CLEC4C: variants seen among roughly 807,000 people sequenced by gnomAD.
CLEC4C encodes the protein C-type lectin domain family 4 member C.
CLEC4C carries 17 observed loss-of-function variants against 27.7 expected under a neutral mutation model. The ratio of observed to expected loss-of-function variants is 0.61; its 90% CI spans 0.42 to 0.92. The LOEUF is 0.92. Among genes scored for constraint, CLEC4C ranks in the 40% least tolerant of loss-of-function variants. The probability of loss-of-function intolerance (pLI) is 0.00; values close to 1 mark genes in which losing one functional copy is unlikely to be tolerated. For synonymous variants in CLEC4C, 80 were observed against 80.8 expected, an observed-to-expected ratio of 0.99 and a Z score of 0.06; for missense variants, 244 against 257.3, an observed-to-expected ratio of 0.95 and a Z score of 0.35.
chr12:7,746,219 AAAAAAAAAAAAAAAG>A, intron 2 of CLEC4C, 97 bp downstream of exon 2: 2 of 644,768 alleles, frequency 3.1e-6, no homozygotes, highest in African/African-American at 1.9e-5. Context: ...GTCTCAAAAA[AAAAAAAAAAAAAAAG>A]AAAAAAAAAG....
intron 4 of CLEC4C, among the ~76,000 whole-genome samples, chr12:7,732,988 T>C (rs934010063): frequency 6.6e-6 from 1 of 151,920 alleles, no homozygotes; most frequent in African/African-American, 2.4e-5. Flanking sequence ...ATAATAGTAG[T>C]AGTTAAAATT....
At chr12:7,735,487 A>C (rs2120382693) in intron 4 of CLEC4C, among the ~76,000 whole-genome samples, 1 of 139,066 alleles carries the variant, frequency 7.2e-6, no homozygotes, top group East Asian at 2.3e-4. Flanking sequence ...TGGGCGATAG[A>C]ACAAGACTCT....
At chr12:7,733,053 C>T (rs73054686) in intron 4 of CLEC4C, among the ~76,000 whole-genome samples, 228 of 152,108 alleles carry the variant, frequency 1.5e-3, no homozygotes, top group Non-Finnish European at 2.9e-3. Flanking sequence ...TAAGTTACTT[C>T]ACGTAAATTT....
intron 3 of CLEC4C, among the ~76,000 whole-genome samples, chr12:7,739,393 G>A (rs561436242): frequency 5.9e-5 from 9 of 152,132 alleles, no homozygotes; most frequent in Non-Finnish European, 1.2e-4. Flanking sequence ...TTACAGGGGT[G>A]AGCCACCGCG....
chr12:7,745,401 T>G (rs1168560091), intron 2 of CLEC4C, among the ~76,000 whole-genome samples: 2 of 151,036 alleles, frequency 1.3e-5, no homozygotes, highest in Admixed American at 6.6e-5. Flanking sequence ...TAAATATCTG[T>G]TTTTTAACTC....
At chr12:7,748,912 T>A (rs762454907), upstream of CLEC4C, among the ~76,000 whole-genome samples, 1 of 152,216 alleles carries the variant, frequency 6.6e-6, no homozygotes, top group African/African-American at 2.4e-5. Flanking sequence ...CCCAGCAGAA[T>A]GCTTTGAGTA....
chr12:7,739,267 C>G (rs897326593), intron 3 of CLEC4C, among the ~76,000 whole-genome samples: 1 of 151,936 alleles, frequency 6.6e-6, no homozygotes, highest in Non-Finnish European at 1.5e-5. Flanking sequence ...TGCCCGCCAC[C>G]ACGCCCAGCT....
chr12:7,747,067 G>T (rs1864998740), intron 1 of CLEC4C, among the ~76,000 whole-genome samples: 2 of 152,254 alleles, frequency 1.3e-5, no homozygotes, highest in South Asian at 4.1e-4. Flanking sequence ...CAGGTGCTCT[G>T]CCCACCTCGG....
chr12:7,749,323 G>C (rs528385993), upstream of CLEC4C: 1 of 152,272 alleles, frequency 6.6e-6, no homozygotes, highest in Admixed American at 6.5e-5. Flanking sequence ...GGAGGCTGAG[G>C]TGGGCGGATT....
At chr12:7,731,485 C>T (rs1864594066) in intron 4 of CLEC4C, among the ~76,000 whole-genome samples, 1 of 152,200 alleles carries the variant, frequency 6.6e-6, no homozygotes, top group Non-Finnish European at 1.5e-5. Flanking sequence ...TTTCGTATTT[C>T]TTTCCTCTTT....
chr12:7,748,781 G>A (rs114891413), upstream of CLEC4C, among the ~76,000 whole-genome samples: 982 of 152,210 alleles, frequency 6.5e-3, 17 homozygotes, highest in African/African-American at 0.023. Context: ...GAGAAGAAAG[G>A]AGCAAAGGCA....
chr12:7,737,226 C>T (rs1174121587), intron 4 of CLEC4C, among the ~76,000 whole-genome samples: 1 of 151,008 alleles, frequency 6.6e-6, no homozygotes, highest in African/African-American at 2.4e-5. Flanking sequence ...AGGAGACAGT[C>T]CCCCCAAAAA....
rs1352016182 is a variant in CLEC4C, at chr12:7,737,450, C to T, written c.360G>A (p.Val120=). 6 of 1,613,414 alleles carry T rather than the reference C, an allele frequency of 3.7e-6. No individual in the cohort carries two copies. Among genetic ancestry groups the T allele is most frequent in the Non-Finnish European group, 5.1e-6 (6 of 1,179,788 alleles). The change falls in exon 4 of 6, where the codon GTG becomes GTA. Residue 120 remains valine, a synonymous_variant. Coordinates refer to ENST00000360345, the MANE Select transcript of CLEC4C (RefSeq NM_001371390.1). The part of the protein sequence containing the change: ...NCSVMGADLV[V]INTREEQDFI... ...ATACCTGTTCTTCCCTGGTGTTGATCACCACCAGATCAGCCCCCATCACAG... is the reference window on the plus strand; with the variant it reads ...ATACCTGTTCTTCCCTGGTGTTGATTACCACCAGATCAGCCCCCATCACAG...
chr12:7,747,913 C>T (rs1424265293), upstream of CLEC4C, among the ~76,000 whole-genome samples: 1 of 109,006 alleles, frequency 9.2e-6, no homozygotes. Context: ...AAGAGCAAAA[C>T]TCCATCTCCA....
At position 7,734,552 on chromosome 12, in the gene CLEC4C, A is replaced by ATTTT. The variant is rs34564177; in HGVS notation, c.381+2873_381+2876dup. ...AAGAGAATAATATCTGAGGCCTCCA[A>ATTTT]TTTTTTTTTTTTTTTTGAGACAGTT... is the stretch of plus-strand genomic sequence containing the variant. On this transcript the variant is annotated intron_variant, in intron 4 of 5. Coordinates refer to ENST00000360345, the MANE Select transcript of CLEC4C (RefSeq NM_001371390.1). Among the ~76,000 whole-genome samples the ATTTT allele has an allele frequency of 1.9e-3, 270 of 142,858 alleles. 1 individual carries two copies. Among genetic ancestry groups the ATTTT allele is most frequent in the African/African-American group, 6.8e-3 (265 of 38,794 alleles). The allele number at this position is 142,858 out of a possible 152,430, so 93.7% of individuals were successfully genotyped here. A position where few individuals can be genotyped will look rare whatever the true frequency, so the allele number is the denominator to read the frequency against.
At chr12:7,744,804 A>G (rs988462897) in intron 2 of CLEC4C, among the ~76,000 whole-genome samples, 1 of 151,908 alleles carries the variant, frequency 6.6e-6, no homozygotes, top group African/African-American at 2.4e-5. Context: ...TTATGGAGAC[A>G]GGGTCTCATT....
chr12:7,743,551 A>G (rs977559916), intron 2 of CLEC4C, among the ~76,000 whole-genome samples: 1 of 143,692 alleles, frequency 7.0e-6, no homozygotes, highest in Non-Finnish European at 1.6e-5. Context: ...CGCCCGGCTA[A>G]TTTTTTTTGT....
chr12:7,742,184 A>AAAAT (rs1048944505), intron 2 of CLEC4C, among the ~76,000 whole-genome samples: 13 of 151,226 alleles, frequency 8.6e-5, no homozygotes, highest in African/African-American at 2.7e-4. Flanking sequence ...CCATCTCAAA[A>AAAAT]AAATAAATAA....
At chr12:7,746,119 G>C (rs1354735518) in intron 2 of CLEC4C, among the ~76,000 whole-genome samples, 1 of 150,998 alleles carries the variant, frequency 6.6e-6, no homozygotes, top group East Asian at 2.0e-4. Flanking sequence ...GGAGGCTGAG[G>C]CAGGCGAATG....
Sources: gnomAD v4.1 joint callset for allele counts (sites outside exome capture counted in the v4.1 genomes callset) on GRCh38, gnomAD v4.1.1 for gene constraint, MANE v1.5 for transcripts, NCBI Gene and HGNC (gene_info 2026-07-23, HGNC 2026-07-21) for gene names.